KDM4C: variants seen among roughly 807,000 people sequenced by gnomAD.
KDM4C encodes lysine demethylase 4C.
KDM4C carries 81 observed loss-of-function variants against 129.3 expected under a neutral mutation model. The ratio of observed to expected loss-of-function variants is 0.63; its 90% confidence interval spans 0.52 to 0.75. The LOEUF (loss-of-function observed/expected upper bound fraction) is 0.75, where lower values mean the gene tolerates loss of function less well. Ranked by LOEUF, KDM4C falls within the 30% of genes least tolerant of loss-of-function variation. The pLI, the probability that KDM4C is intolerant of heterozygous loss-of-function variation, is 0.00. For synonymous variants in KDM4C, 573 were observed against 456.1 expected, an observed-to-expected ratio of 1.26 and a Z score of -3.26; for missense variants, 1,457 against 1,304.0, an observed-to-expected ratio of 1.12 and a Z score of -1.81.
chr9:6,859,960 A>AT (rs1452734030), intron 5 of KDM4C, among the ~76,000 whole-genome samples: 5 of 152,086 alleles, frequency 3.3e-5, no homozygotes, highest in African/African-American at 1.2e-4. Context: ...CTATTAACTG[A>AT]TTTTTCCTAT....
At chr9:6,740,081 G>A (rs1291923833) in intron 1 of KDM4C, among the ~76,000 whole-genome samples, 1 of 151,974 alleles carries the variant, frequency 6.6e-6, no homozygotes, top group Non-Finnish European at 1.5e-5. Flanking sequence ...GTAGAGACGG[G>A]ATTTCACCAT....
chr9:7,014,464 A>G (rs991594160), intron 14 of KDM4C: 1 of 154,556 alleles, frequency 6.5e-6, no homozygotes, highest in Non-Finnish European at 1.4e-5. Flanking sequence ...TCTCTATTGT[A>G]TTCCAGGGGA....
chr9:6,959,584 G>A (rs190426578), intron 8 of KDM4C, among the ~76,000 whole-genome samples: 93 of 152,238 alleles, frequency 6.1e-4, no homozygotes, highest in Non-Finnish European at 1.1e-3. Context: ...ATTTACTGAG[G>A]AAGTTTGTAT....
intron 8 of KDM4C, among the ~76,000 whole-genome samples, chr9:6,908,612 G>C (rs773424688): frequency 6.6e-6 from 1 of 152,002 alleles, no homozygotes; most frequent in African/African-American, 2.4e-5. Flanking sequence ...AGATCTTCTT[G>C]GGGGGAGGAT....
intron 13 of KDM4C, among the ~76,000 whole-genome samples, chr9:7,013,030 C>A (rs762495225): frequency 6.6e-5 from 10 of 152,054 alleles, no homozygotes; most frequent in Non-Finnish European, 1.5e-4. Context: ...CATTATTTTT[C>A]TCTTCCTTTA....
intron 8 of KDM4C, among the ~76,000 whole-genome samples, chr9:6,923,719 T>C (rs1280613142): frequency 6.6e-6 from 1 of 152,226 alleles, no homozygotes; most frequent in East Asian, 1.9e-4. Context: ...TTCCATCAAA[T>C]GGCTCTTTAT....
chr9:7,156,127 T>A (rs1229115072), intron 19 of KDM4C, among the ~76,000 whole-genome samples: 3 of 152,226 alleles, frequency 2.0e-5, no homozygotes, highest in Non-Finnish European at 4.4e-5. Flanking sequence ...CATTTTTTCA[T>A]GTGTCTGTTG....
At chr9:7,136,285 G>A (rs758009154) in intron 19 of KDM4C, among the ~76,000 whole-genome samples, 41 of 152,156 alleles carry the variant, frequency 2.7e-4, no homozygotes, top group Non-Finnish European at 4.6e-4. Flanking sequence ...TAATTCTGCC[G>A]TGAAATTTGC....
chr9:6,936,737 G>A (rs553117528), intron 8 of KDM4C, among the ~76,000 whole-genome samples: 2 of 152,320 alleles, frequency 1.3e-5, no homozygotes, highest in Non-Finnish European at 2.9e-5. Context: ...TAAGAGCACA[G>A]GCTTTTGAGT....
At chr9:6,994,075 G>A (rs117942257) in intron 12 of KDM4C, among the ~76,000 whole-genome samples, 282 of 152,150 alleles carry the variant, frequency 1.9e-3, no homozygotes, top group Non-Finnish European at 2.8e-3. Flanking sequence ...GTTCCACCTC[G>A]GATCATCAGG....
At chr9:6,866,376 G>A (rs904985735) in intron 5 of KDM4C, among the ~76,000 whole-genome samples, 3 of 152,140 alleles carry the variant, frequency 2.0e-5, no homozygotes, top group African/African-American at 7.2e-5. Flanking sequence ...TAAAGGATCA[G>A]AGTGCCCCCT....
intron 8 of KDM4C, among the ~76,000 whole-genome samples, chr9:6,919,285 CTCTT>C (rs769001260): frequency 4.5e-3 from 209 of 46,940 alleles, no homozygotes; most frequent in Non-Finnish European, 9.3e-3. Context: ...CTCTCTCTCT[CTCTT>C]TCTTTCTTTC....
chr9:6,722,276 A>C (rs1169797608), intron 1 of KDM4C, among the ~76,000 whole-genome samples: 1 of 152,148 alleles, frequency 6.6e-6, no homozygotes, highest in Non-Finnish European at 1.5e-5. Context: ...GGGAGGATTC[A>C]GTTTCCTCCC....
chr9:6,763,241 A>T (rs748190840), intron 1 of KDM4C, among the ~76,000 whole-genome samples: 2 of 152,000 alleles, frequency 1.3e-5, no homozygotes, highest in Admixed American at 6.6e-5. Flanking sequence ...TCTCCTTCCT[A>T]CCAAACTCAT....
At chr9:7,045,678 G>A (rs1219600383) in intron 15 of KDM4C, among the ~76,000 whole-genome samples, 1 of 151,944 alleles carries the variant, frequency 6.6e-6, no homozygotes. Flanking sequence ...AATATACACA[G>A]TGTATCTTTT....
chr9:6,826,870 A>AG (rs1371355217), intron 4 of KDM4C, among the ~76,000 whole-genome samples: 4 of 151,876 alleles, frequency 2.6e-5, no homozygotes, highest in Admixed American at 1.3e-4. Context: ...CCATCTCAAA[A>AG]AAAAAAAAAA....
intron 8 of KDM4C, among the ~76,000 whole-genome samples, chr9:6,964,051 A>G (rs990445277): frequency 6.9e-6 from 1 of 145,790 alleles, no homozygotes; most frequent in African/African-American, 2.4e-5. Context: ...TATTATTATT[A>G]TTTTTCTGTA....
chr9:7,099,459 A>T (rs1329856255), intron 17 of KDM4C, among the ~76,000 whole-genome samples: 1 of 152,358 alleles, frequency 6.6e-6, no homozygotes, highest in East Asian at 1.9e-4. Flanking sequence ...CCAGTCCCCC[A>T]AGAAAGTACA....
At chr9:6,763,227 C>G (rs901729368) in intron 1 of KDM4C, among the ~76,000 whole-genome samples, 2 of 152,286 alleles carry the variant, frequency 1.3e-5, no homozygotes, top group Middle Eastern at 3.4e-3. Flanking sequence ...GACTGCCCAG[C>G]CAGTCTCCTT....
Sources: allele counts gnomAD v4.1 joint callset (sites outside exome capture counted in the v4.1 genomes callset), GRCh38; gene constraint gnomAD v4.1.1; transcripts MANE v1.5; gene names NCBI Gene and HGNC (gene_info 2026-07-23, HGNC 2026-07-21).